BAIAP2: variants seen among roughly 807,000 people sequenced by gnomAD.
BAIAP2 encodes BAR/IMD domain-containing adapter protein 2.
In BAIAP2, 18 loss-of-function variants were observed where a neutral mutation model predicts 63.0. The ratio of observed to expected loss-of-function variants is 0.29; its 90% CI spans 0.20 to 0.42. The LOEUF is 0.42. Ranked by LOEUF, BAIAP2 falls within the 10% of genes least tolerant of loss-of-function variation. BAIAP2 has a pLI of 1.00. For synonymous variants in BAIAP2, 386 were observed against 307.6 expected (o/e 1.25, Z -2.67); for missense variants, 610 against 734.3 (o/e 0.83, Z 1.96).
intron 6 of BAIAP2, among the ~76,000 whole-genome samples, chr17:81,092,679 C>T (rs2056973103): frequency 6.6e-6 from 1 of 152,222 alleles, no homozygotes; most frequent in Non-Finnish European, 1.5e-5. Flanking sequence ...ACGTAAGGGG[C>T]CCGGCCCGGA....
chr17:81,101,529 G>A (rs2058478298), intron 7 of BAIAP2, among the ~76,000 whole-genome samples: 1 of 152,212 alleles, frequency 6.6e-6, no homozygotes, highest in Non-Finnish European at 1.5e-5. Context: ...CCACCAGGGA[G>A]GCCCTGGTCA....
At position 81,109,464 on chromosome 17, in the gene BAIAP2, C is replaced by T. The variant is rs191850746; in HGVS notation, c.1535+955C>T. 168 of 987,160 alleles carry T rather than the reference C, an allele frequency of 1.7e-4. No homozygotes were observed. In the Admixed American group the frequency reaches 2.6e-3, roughly 15 times the overall value. The allele number at this position is 987,160 out of a possible 1,614,324, so 61.2% of individuals were successfully genotyped here. Reference sequence around the variant, plus strand: ...AACAAAAACCGATCTGCATGGACTCCGGTGTGCGCTGTTATCTCGCATCCG... The same window carrying T: ...AACAAAAACCGATCTGCATGGACTCTGGTGTGCGCTGTTATCTCGCATCCG... On this transcript the variant is annotated intron_variant, in intron 13 of 13. Coordinates refer to ENST00000428708, the MANE Select transcript of BAIAP2 (RefSeq NM_001144888.2).
intron 6 of BAIAP2, among the ~76,000 whole-genome samples, chr17:81,093,890 T>C (rs2057218932): frequency 6.6e-6 from 1 of 152,124 alleles, no homozygotes; most frequent in African/African-American, 2.4e-5. Flanking sequence ...CCATCCTCGT[T>C]TTCACAAAGC....
chr17:81,040,168 A>G (rs1568056261), intron 1 of BAIAP2, among the ~76,000 whole-genome samples: 1 of 152,228 alleles, frequency 6.6e-6, no homozygotes, highest in South Asian at 2.1e-4. Flanking sequence ...CCTTCCTTAC[A>G]TTGAGCCAGA....
chr17:81,114,667 C>T (rs368264475), intron 13 of BAIAP2, among the ~76,000 whole-genome samples: 1 of 152,234 alleles, frequency 6.6e-6, no homozygotes, highest in Non-Finnish European at 1.5e-5. Flanking sequence ...GTTTCAAGTT[C>T]TTAGAAAACA....
intron 12 of BAIAP2, chr17:81,107,947 T>C (rs556917212): frequency 6.2e-6 from 1 of 162,210 alleles, no homozygotes; most frequent in South Asian, 1.7e-4. Context: ...TGCTGGCAGA[T>C]GAAGGGCACA....
At chr17:81,104,154 T>TCCCCAGAC in intron 9 of BAIAP2, 46 bp downstream of exon 9, 2 of 1,595,348 alleles carry the variant, frequency 1.3e-6, no homozygotes, top group East Asian at 2.2e-5. Flanking sequence ...TGGACGTGCC[T>TCCCCAGAC]CCTCAGACCC....
In BAIAP2 at chr17:81,035,315, G is replaced by T; in HGVS notation, c.54+7G>T. On this transcript the variant is annotated splice_region_variant and intron_variant, in intron 1 of 13. Transcript: ENST00000428708. ...CACGGAAAATGTCTATAAGGTGAGCGCCCCCCGGCGCCGAGCTGAGCCCGC... is the reference window on the plus strand; with the variant it reads ...CACGGAAAATGTCTATAAGGTGAGCTCCCCCCGGCGCCGAGCTGAGCCCGC... The T allele has an allele frequency of 1.4e-6, 2 of 1,432,468 alleles. No homozygotes were observed. Among genetic ancestry groups the T allele is most frequent in the South Asian group, 1.4e-5 (1 of 72,166 alleles). 88.7% of individuals were successfully genotyped at this position (1,432,468 alleles called of 1,614,324 possible).
chr17:81,100,476 C>T (rs1397273602), intron 7 of BAIAP2, among the ~76,000 whole-genome samples: 1 of 152,084 alleles, frequency 6.6e-6, no homozygotes, highest in Non-Finnish European at 1.5e-5. Flanking sequence ...GCCTCTGTGT[C>T]CTCACTTGCT....
chr17:81,041,901 T>C (rs1230131287), intron 1 of BAIAP2, among the ~76,000 whole-genome samples: 3 of 152,118 alleles, frequency 2.0e-5, no homozygotes, highest in Admixed American at 2.0e-4. Flanking sequence ...AATAATCATA[T>C]ATTGAATTCA....
chr17:81,107,113 C>T (rs965014901), intron 12 of BAIAP2: 23 of 612,860 alleles, frequency 3.8e-5, no homozygotes, highest in Non-Finnish European at 5.8e-5. Flanking sequence ...CAGCAGGCTC[C>T]CTGTGTCGGC....
chr17:81,113,160 C>T (rs185293235), intron 13 of BAIAP2, among the ~76,000 whole-genome samples: 28 of 152,350 alleles, frequency 1.8e-4, no homozygotes, highest in African/African-American at 6.3e-4. Flanking sequence ...GAGCCCAGGC[C>T]TCTGCATTCT....
chr17:81,068,303 G>C (rs1329070289), intron 3 of BAIAP2, among the ~76,000 whole-genome samples: 1 of 152,252 alleles, frequency 6.6e-6, no homozygotes, highest in Admixed American at 6.5e-5. Context: ...ACAGATAGGC[G>C]AGGCTGGTTA....
At chr17:81,093,776 A>C (rs1359244354) in intron 6 of BAIAP2, among the ~76,000 whole-genome samples, 5 of 152,158 alleles carry the variant, frequency 3.3e-5, no homozygotes, top group Admixed American at 1.3e-4. Flanking sequence ...GTGTATAATT[A>C]ACACAGCAGA....
intron 6 of BAIAP2, among the ~76,000 whole-genome samples, chr17:81,091,975 G>A (rs1037301635): frequency 6.6e-5 from 10 of 152,268 alleles, no homozygotes; most frequent in Non-Finnish European, 1.2e-4. Context: ...CGGGCTGGAC[G>A]GGCGCCCCCA....
chr17:81,071,002 T>C lies in BAIAP2; in HGVS notation c.217+13035T>C, dbSNP rs115621426. ...CCAAGATCTGAATGCTGACCCAGCCTTGACACCAAGGTGGCTCTTTGGACT... is the reference window on the plus strand; with the variant it reads ...CCAAGATCTGAATGCTGACCCAGCCCTGACACCAAGGTGGCTCTTTGGACT... On this transcript the variant is annotated intron_variant, in intron 3 of 13. Coordinates refer to ENST00000428708, the MANE Select transcript of BAIAP2 (RefSeq NM_001144888.2). 3.8e-3 allele frequency among the ~76,000 whole-genome samples: 585 copies of C among 152,296 alleles called. 4 individuals are homozygous for C. Among genetic ancestry groups the C allele is most frequent in the African/African-American group, 0.013 (548 of 41,562 alleles).
At chr17:81,060,694 G>A (rs2050388761) in intron 3 of BAIAP2, among the ~76,000 whole-genome samples, 1 of 152,164 alleles carries the variant, frequency 6.6e-6, no homozygotes, top group South Asian at 2.1e-4. Context: ...TTTTATGAAA[G>A]CAACACATCC....
At chr17:81,053,575 C>A in intron 1 of BAIAP2, 93 bp from the exon 2 acceptor site, 1 of 1,385,564 alleles carries the variant, frequency 7.2e-7, no homozygotes, top group Non-Finnish European at 1.0e-6. Flanking sequence ...AGGAGGGGTG[C>A]CTGCTCTGGG....
rs2058832713 is a variant in BAIAP2, at chr17:81,104,122, T to C, written c.1066+14T>C. The C allele has an allele frequency of 3.1e-6, 5 of 1,612,232 alleles. No homozygotes were observed. Among genetic ancestry groups the C allele is most frequent in the Non-Finnish European group, 4.2e-6 (5 of 1,179,524 alleles). On this transcript the variant is annotated intron_variant, in intron 9 of 13. Coordinates refer to ENST00000428708, the MANE Select transcript of BAIAP2 (RefSeq NM_001144888.2). ...GCTATGCCACCAGTAAGGGCTCCGC[T>C]GGGGTGTTGGGCTGGGGTCCCTGGA...
Sources: allele counts gnomAD v4.1 joint callset (sites outside exome capture counted in the v4.1 genomes callset), GRCh38; gene constraint gnomAD v4.1.1; transcripts MANE v1.5; gene names NCBI Gene and HGNC (gene_info 2026-07-23, HGNC 2026-07-21).